The following SELP variants were observed in gnomAD, a reference collection of about 807,000 sequenced individuals.
The protein encoded by SELP is P-selectin.
SELP carries 92 observed loss-of-function variants against 104.1 expected under a neutral mutation model. The ratio of observed to expected loss-of-function variants is 0.88; its 90% CI spans 0.75 to 1.05. SELP has a LOEUF of 1.05. Ranked by LOEUF, SELP falls within the 50% of genes least tolerant of loss-of-function variation. The pLI, the probability that SELP is intolerant of heterozygous loss-of-function variation, is 0.00. For missense variants in SELP, 1,022 were observed against 1,017.3 expected (o/e 1.00, Z -0.06); for synonymous variants, 397 against 364.5 (o/e 1.09, Z -1.01).
At chr1:169,604,789 C>T (rs1662100663) in intron 9 of SELP, among the ~76,000 whole-genome samples, 1 of 152,100 alleles carries the variant, frequency 6.6e-6, no homozygotes, top group African/African-American at 2.4e-5. Context: ...GATGTTGGTA[C>T]CACAGAACCC....
intron 3 of SELP, 74 bp downstream of exon 3, chr1:169,616,954 G>GTCGCT: frequency 6.8e-7 from 1 of 1,472,582 alleles, no homozygotes; most frequent in Non-Finnish European, 9.1e-7. Flanking sequence ...TGACTCGGTG[G>GTCGCT]TTATGTTGGC....
intron 2 of SELP, 113 bp from the exon 3 acceptor site, chr1:169,617,527 C>A: frequency 9.3e-7 from 1 of 1,073,358 alleles, no homozygotes; most frequent in Non-Finnish European, 1.4e-6. Context: ...CATTAATACA[C>A]AAAACAACGA....
chr1:169,612,358 T>C lies in SELP; in HGVS notation c.820A>G (p.Thr274Ala), dbSNP rs760620180. The part of the protein sequence containing the change: ...PLKIPERGNM[T>A]CLHSAKAFQH... ...AATGCTTTTGCAGAATGAAGGCAGG[T>C]CATGTTTCCTCGTTCAGGAATCTTC... Residue 274 changes from threonine to alanine, a missense_variant, in exon 6 of 17, where the codon ACC (threonine) becomes GCC (alanine). By Grantham distance (58) the Thr-to-Ala change is moderately conservative. Coordinates refer to ENST00000263686, the MANE Select transcript of SELP (RefSeq NM_003005.4). 3 of 1,614,122 alleles carry C rather than the reference T, an allele frequency of 1.9e-6. No homozygotes were observed. The Admixed American group carries it at 5.0e-5, about 27-fold the overall frequency.
intron 7 of SELP, among the ~76,000 whole-genome samples, chr1:169,611,207 G>A (rs1662514640): frequency 6.6e-6 from 1 of 152,100 alleles, no homozygotes; most frequent in Admixed American, 6.5e-5. Flanking sequence ...TCAAGTATAG[G>A]ACATGGTCCT....
At chr1:169,589,492 T>C (rs1661241057) in intron 16 of SELP, 31 bp from the exon 17 acceptor site, 1 of 152,174 alleles carries the variant, frequency 6.6e-6, no homozygotes, top group African/African-American at 2.4e-5. Flanking sequence ...TTAAGTCCAG[T>C]GTAGCAGGAA....
rs769772186 is a variant in SELP, at chr1:169,613,008, G to A, written c.696C>T (p.Asp232=). 2.2e-5 allele frequency: 36 copies of A among 1,613,736 alleles called. 1 individual carries two copies. The highest frequency in any genetic ancestry group is 6.7e-5 in the Admixed American group (4 of 59,978). Residue 232 remains aspartate, a synonymous_variant, in exon 5 of 17, where the codon GAC becomes GAT. Transcript: ENST00000263686. ...TGCTGGGCCCATTTACTTGGTACCC[G>A]TCAGTGCAGTGGAAGCTGCACTGCG... ...FNSQCSFHCT[D]GYQVNGPSKL...
intron 9 of SELP, among the ~76,000 whole-genome samples, chr1:169,604,818 G>T (rs1264727567): frequency 1.3e-5 from 2 of 152,144 alleles, no homozygotes; most frequent in Admixed American, 6.5e-5. Context: ...CTCTTCTGTG[G>T]CTTTGCCTTC....
intron 4 of SELP, 94 bp downstream of exon 4, chr1:169,613,492 A>G: frequency 1.1e-6 from 1 of 933,782 alleles, no homozygotes; most frequent in Non-Finnish European, 1.7e-6. Context: ...GTACCATCCT[A>G]TTCTCACTGG....
At chr1:169,627,229 G>A (rs1663415903) in intron 1 of SELP, among the ~76,000 whole-genome samples, 1 of 152,154 alleles carries the variant, frequency 6.6e-6, no homozygotes, top group African/African-American at 2.4e-5. Flanking sequence ...GGACGGTGGT[G>A]GTGTTAGTGG....
At chr1:169,595,898 A>G in intron 12 of SELP, 27 bp downstream of exon 12, 2 of 1,606,340 alleles carry the variant, frequency 1.2e-6, no homozygotes, top group South Asian at 2.2e-5. Flanking sequence ...AGGCAGGTTC[A>G]GAACTGCCTG....
chr1:169,602,614 CTG>C (rs774731520), intron 10 of SELP, among the ~76,000 whole-genome samples: 12 of 152,044 alleles, frequency 7.9e-5, no homozygotes, highest in Non-Finnish European at 1.5e-4. Context: ...CTTCCTGAAA[CTG>C]TGCAATTTTT....
chr1:169,595,332 A>T (rs1466657592), intron 12 of SELP, among the ~76,000 whole-genome samples: 1 of 152,218 alleles, frequency 6.6e-6, no homozygotes, highest in Non-Finnish European at 1.5e-5. Context: ...CTACATTTTC[A>T]GGGAACTTCA....
intron 6 of SELP, among the ~76,000 whole-genome samples, chr1:169,611,881 G>A (rs977026022): frequency 3.9e-5 from 6 of 152,090 alleles, no homozygotes; most frequent in Non-Finnish European, 7.3e-5. Context: ...CCTCCAAGCT[G>A]TATTCTTAAT....
rs1406799407 is a variant in SELP at position 169,602,777 on chromosome 1, A to AT, written c.1705+248dup. Among the ~76,000 whole-genome samples the AT allele has an allele frequency of 3.3e-5, 5 of 152,130 alleles. No individual in the cohort carries two copies. In the East Asian group the frequency reaches 9.7e-4, roughly 29 times the overall value. ...CAGGCATGCACCACCATGCCCAGCT[A>AT]TTTTTTGTATTTTTAGTAGAAACGG... is the stretch of plus-strand genomic sequence containing the variant. On this transcript the variant is annotated intron_variant, in intron 10 of 16. Transcript: ENST00000263686.
intron 1 of SELP, among the ~76,000 whole-genome samples, chr1:169,627,139 C>A (rs984067866): frequency 6.6e-6 from 1 of 152,160 alleles, no homozygotes; most frequent in African/African-American, 2.4e-5. Flanking sequence ...GTTGAGGATG[C>A]AGAACTATAC....
At chr1:169,608,320 A>G (rs1284970746) in intron 8 of SELP, among the ~76,000 whole-genome samples, 1 of 151,934 alleles carries the variant, frequency 6.6e-6, no homozygotes, top group Non-Finnish European at 1.5e-5. Flanking sequence ...TCTTTTCATC[A>G]TCTCAAACTG....
At chr1:169,618,395 T>A (rs986238557) in intron 2 of SELP, among the ~76,000 whole-genome samples, 1 of 152,204 alleles carries the variant, frequency 6.6e-6, no homozygotes, top group South Asian at 2.1e-4. Flanking sequence ...CAAGTGTTTT[T>A]GATACCAAAT....
intron 1 of SELP, among the ~76,000 whole-genome samples, chr1:169,626,735 C>A (rs1182852447): frequency 2.0e-5 from 3 of 152,090 alleles, no homozygotes; most frequent in Non-Finnish European, 2.9e-5. Context: ...TGCTCTGTTG[C>A]CCAGGCTGAA....
At chr1:169,602,935 G>T in intron 10 of SELP, 91 bp downstream of exon 10, 2 of 1,108,028 alleles carry the variant, frequency 1.8e-6, no homozygotes, top group Non-Finnish European at 2.6e-6. Context: ...GTTTGCTTCA[G>T]CTCAAGAACA....
Sources: allele counts gnomAD v4.1 joint callset (sites outside exome capture counted in the v4.1 genomes callset), GRCh38; gene constraint gnomAD v4.1.1; transcripts MANE v1.5; gene names NCBI Gene and HGNC (gene_info 2026-07-23, HGNC 2026-07-21).